Variants in OVCH1 observed in about 807,000 individuals in gnomAD.
The protein encoded by OVCH1 is ovochymase 1.
In OVCH1, 139 loss-of-function variants were observed where a neutral mutation model predicts 138.4. The ratio of observed to expected loss-of-function variants is 1.00; its 90% CI spans 0.87 to 1.16. The LOEUF (loss-of-function observed/expected upper bound fraction) is 1.16. Among genes scored for constraint, OVCH1 ranks in the 50% most tolerant of loss-of-function variants. OVCH1 has a pLI of 0.00. For synonymous variants in OVCH1, 453 were observed against 467.8 expected (o/e 0.97, Z 0.41); for missense variants, 1,367 against 1,357.9 (o/e 1.01, Z -0.11).
chr12:29,435,405 C>T (rs914633963), intron 26 of OVCH1, among the ~76,000 whole-genome samples: 9 of 152,166 alleles, frequency 5.9e-5, no homozygotes, highest in South Asian at 4.1e-4. Context: ...CTCGCTCTGT[C>T]GTCCAGGCTG....
chr12:29,436,437 C>T (rs1941361146), intron 26 of OVCH1, among the ~76,000 whole-genome samples: 1 of 152,100 alleles, frequency 6.6e-6, no homozygotes, highest in African/African-American at 2.4e-5. Flanking sequence ...GTTAAATTTT[C>T]TCATTTGTTT....
In OVCH1 at chr12:29,492,328, TAA is replaced by T. The variant is rs34341585; in HGVS notation, c.455-1138_455-1137del. On this transcript the variant is annotated intron_variant, in intron 4 of 27. Coordinates refer to ENST00000318184, the Ensembl canonical transcript of OVCH1. ...ACTGGAGCAGATTAAGTTAGTTTCA[TAA>T]AAAAAAAAAATAAACAAATCAGAGG... 9.6e-3 allele frequency among the ~76,000 whole-genome samples: 1,426 copies of T among 147,844 alleles called. 15 individuals carry two copies. The highest frequency in any genetic ancestry group is 0.011 in the Non-Finnish European group (705 of 66,404).
chr12:29,495,341 C>T lies in OVCH1; in HGVS notation c.398G>A (p.Arg133His), dbSNP rs1371495946. 2.3e-5 allele frequency: 37 copies of T among 1,613,310 alleles called. No homozygotes were observed. The highest frequency in any genetic ancestry group is 5.0e-5 in the Admixed American group (3 of 60,016). The change falls in exon 4 of 28, where the codon CGT (arginine) becomes CAT (histidine). Residue 133 changes from arginine (R) to histidine (H), a missense_variant. Coordinates refer to ENST00000318184, the Ensembl canonical transcript of OVCH1. ...TGCAATATCAGGACTCATATATTCA[C>T]GGCTGTTGTATTCAGGATGGGTAAT...
At chr12:29,405,845 C>T in the OVCH1 span, among the ~76,000 whole-genome samples, 3 of 152,112 alleles carry the variant, frequency 2.0e-5, no homozygotes, top group Non-Finnish European at 2.9e-5. Flanking sequence ...TTGACTTTGC[C>T]GAATAAACAT....
chr12:29,409,567 C>G (rs1282084634), downstream of OVCH1, among the ~76,000 whole-genome samples: 5 of 151,842 alleles, frequency 3.3e-5, no homozygotes, highest in Non-Finnish European at 7.4e-5. Context: ...CGTTATGTAC[C>G]CAGTAGTCAT....
At chr12:29,455,492 G>A in intron 19 of OVCH1, 87 bp from the exon 20 acceptor site, 1 of 1,366,884 alleles carries the variant, frequency 7.3e-7, no homozygotes, top group Non-Finnish European at 9.9e-7. Flanking sequence ...GACCAATAAT[G>A]TATTTGTAAT....
chr12:29,443,231 T>G (rs1161736976), intron 25 of OVCH1, 130 bp downstream of exon 25: 1 of 880,142 alleles, frequency 1.1e-6, no homozygotes, highest in Non-Finnish European at 1.6e-6. Flanking sequence ...TAACAGTAAG[T>G]CTATTTCAAC....
At chr12:29,485,311 A>G (rs1299493873) in intron 8 of OVCH1, among the ~76,000 whole-genome samples, 7 of 128,492 alleles carry the variant, frequency 5.4e-5, no homozygotes, top group Admixed American at 1.7e-4. Flanking sequence ...AACAAGACCC[A>G]GTCTTTAAAA....
rs372260284 is a variant in OVCH1 at position 29,455,397 on chromosome 12, A to G, written c.2289T>C (p.Ser763=). The G allele has an allele frequency of 3.7e-6, 6 of 1,603,948 alleles. No homozygotes were observed. In the African/African-American group the frequency reaches 5.4e-5, roughly 14 times the overall value. Residue 763 remains serine, a synonymous_variant, in exon 20 of 28, where the codon TCT becomes TCC. Transcript: ENST00000318184. ...CATGTCTACATACTAGTGGCCCACC[A>G]GAGTCTCCCTGAAACACCAAGAAAA...
downstream of OVCH1, among the ~76,000 whole-genome samples, chr12:29,424,112 C>T (rs932879237): frequency 1.3e-5 from 2 of 152,240 alleles, no homozygotes; most frequent in Non-Finnish European, 1.5e-5. Context: ...GATTTACTCA[C>T]GTATTTATTA....
chr12:29,462,315 G>A (rs556013004), intron 18 of OVCH1, among the ~76,000 whole-genome samples: 2 of 150,076 alleles, frequency 1.3e-5, no homozygotes, highest in South Asian at 4.1e-4. Flanking sequence ...AATTCAGGAA[G>A]AAAAATTCAG....
downstream of OVCH1, among the ~76,000 whole-genome samples, chr12:29,411,002 G>T (rs1249137595): frequency 6.6e-6 from 1 of 151,174 alleles, no homozygotes; most frequent in African/African-American, 2.4e-5. Flanking sequence ...TGGAGGCTTA[G>T]TTTTTTTTAT....
chr12:29,415,786 T>C (rs2135876918), intron 3 of OVCH1, among the ~76,000 whole-genome samples: 1 of 152,306 alleles, frequency 6.6e-6, no homozygotes, highest in South Asian at 2.1e-4. Context: ...AGGGCTGTTG[T>C]AGACATAGCA....
In OVCH1 at chr12:29,431,818, GAATGAATATATGT is replaced by G. The variant is rs1351364651; in HGVS notation, c.3327+1920_3327+1932del. 3.3e-5 allele frequency among the ~76,000 whole-genome samples: 5 copies of G among 152,294 alleles called. No homozygotes were observed. In the East Asian group the frequency reaches 9.7e-4, roughly 29 times the overall value. On this transcript the variant is annotated intron_variant, in intron 27 of 27. Coordinates refer to ENST00000318184, the Ensembl canonical transcript of OVCH1. Reference sequence around the variant, plus strand: ...GTTTTCTATGTTTATCTGAAAAACAGAATGAATATATGTAATAAGAGTCTCTTACCTGAGTTAA... The same window carrying G: ...GTTTTCTATGTTTATCTGAAAAACAGAATAAGAGTCTCTTACCTGAGTTAA...
chr12:29,454,148 C>CCTAT (rs137878178), intron 21 of OVCH1, among the ~76,000 whole-genome samples: 9,436 of 152,082 alleles, frequency 0.062, 875 homozygotes, highest in African/African-American at 0.21. Context: ...GTACTTTGCT[C>CCTAT]CTAAGACCAT....
At chr12:29,410,207 G>T, downstream of OVCH1, among the ~76,000 whole-genome samples, 1 of 141,430 alleles carries the variant, frequency 7.1e-6, no homozygotes, top group South Asian at 2.3e-4. Context: ...GTGTGTCTCT[G>T]CGTGTGAGAT....
intron 10 of OVCH1, 45 bp from the exon 11 acceptor site, chr12:29,477,523 G>T (rs1480991596): frequency 6.2e-7 from 1 of 1,613,768 alleles, no homozygotes; most frequent in African/African-American, 1.3e-5. Flanking sequence ...CTAAAAAGTG[G>T]TGGAAACTTA....
intron 16 of OVCH1, among the ~76,000 whole-genome samples, chr12:29,465,998 C>CA (rs2135988073): frequency 6.8e-6 from 1 of 147,192 alleles, no homozygotes; most frequent in African/African-American, 2.5e-5. Flanking sequence ...ATCGCAAGGG[C>CA]AAAAAACCAG....
chr12:29,496,376 T>C, intron 2 of OVCH1, 98 bp from the exon 3 acceptor site: 1 of 1,218,948 alleles, frequency 8.2e-7, no homozygotes, highest in Non-Finnish European at 1.2e-6. Context: ...TCTGACATAA[T>C]ATTCTTAAAA....
Sources: allele counts gnomAD v4.1 joint callset (sites outside exome capture counted in the v4.1 genomes callset), GRCh38; gene constraint gnomAD v4.1.1; transcripts MANE v1.5; gene names NCBI Gene and HGNC (gene_info 2026-07-23, HGNC 2026-07-21).